NIBAN2: variants seen among roughly 807,000 people sequenced by gnomAD.
NIBAN2 encodes the protein niban apoptosis regulator 2, also known as protein Niban 2.
A neutral mutation model predicts 81.8 loss-of-function variants in NIBAN2; 36 were observed. The observed-to-expected ratio is 0.44, with a 90% CI of 0.34 to 0.58. The LOEUF is 0.58. Ranked by LOEUF, NIBAN2 falls within the 20% of genes least tolerant of loss-of-function variation. The pLI is 0.02. For missense variants in NIBAN2, 897 were observed against 1,014.1 expected (o/e 0.88, Z 1.57); for synonymous variants, 445 against 441.6 (o/e 1.01, Z -0.10).
At chr9:127,568,749 G>A (rs1190453016) in intron 1 of NIBAN2, 71 bp downstream of exon 1, 2 of 1,197,136 alleles carry the variant, frequency 1.7e-6, no homozygotes, top group Admixed American at 4.5e-5. Context: ...GCCAACTGCT[G>A]GCCGGGGCGG....
At chr9:127,566,086 G>C (rs1251086274) in intron 1 of NIBAN2, among the ~76,000 whole-genome samples, 1 of 151,142 alleles carries the variant, frequency 6.6e-6, no homozygotes, top group Non-Finnish European at 1.5e-5. Flanking sequence ...TAGCTATGAT[G>C]ATGCCACTGC....
At chr9:127,569,529 C>A (rs1198021847), upstream of NIBAN2, among the ~76,000 whole-genome samples, 1 of 151,868 alleles carries the variant, frequency 6.6e-6, no homozygotes, top group Non-Finnish European at 1.5e-5. Context: ...AAAAGAATCG[C>A]GCCGAGGAGG....
At chr9:127,552,554 G>A (rs1408462434) in intron 1 of NIBAN2, among the ~76,000 whole-genome samples, 2 of 151,938 alleles carry the variant, frequency 1.3e-5, no homozygotes, top group East Asian at 1.9e-4. Flanking sequence ...TCAAGCCTGG[G>A]CAACAGAGCA....
At chr9:127,570,314 G>T (rs1401778853), upstream of NIBAN2, among the ~76,000 whole-genome samples, 3 of 152,186 alleles carry the variant, frequency 2.0e-5, no homozygotes, top group Middle Eastern at 3.2e-3. Flanking sequence ...CATGCATTCA[G>T]TCACTTACCA....
At chr9:127,544,554 A>G (rs1837437406) in intron 1 of NIBAN2, among the ~76,000 whole-genome samples, 1 of 151,636 alleles carries the variant, frequency 6.6e-6, no homozygotes, top group Admixed American at 6.6e-5. Flanking sequence ...CCCAGGCTGG[A>G]GTGCAGTGGC....
At chr9:127,512,752 A>G (rs1052215880) in intron 8 of NIBAN2, among the ~76,000 whole-genome samples, 1 of 152,236 alleles carries the variant, frequency 6.6e-6, no homozygotes, top group Non-Finnish European at 1.5e-5. Context: ...GACCTGCCTC[A>G]AATTTTCAGG....
rs748275943 is a variant in NIBAN2 at position 127,523,770 on chromosome 9, A to G, written c.498T>C (p.Tyr166=). 26 of 1,613,978 alleles carry G rather than the reference A, an allele frequency of 1.6e-5. No homozygotes were observed. Among genetic ancestry groups the G allele is most frequent in the South Asian group, 9.9e-5 (9 of 91,092 alleles). Residue 166 remains tyrosine, a synonymous_variant, in exon 5 of 14, where the codon TAT becomes TAC. Coordinates refer to ENST00000373312, the MANE Select transcript of NIBAN2 (RefSeq NM_022833.4). ...TQFPLILWHP[Y]ARHYYFCMMT... is the part of the protein sequence containing the mutation. ...TCATGCAGAAGTAGTAGTGACGCGC[A>G]TAAGGATGCCAGAGGATGAGCGGGA...
At chr9:127,552,312 C>T (rs1837590712) in intron 1 of NIBAN2, among the ~76,000 whole-genome samples, 1 of 152,228 alleles carries the variant, frequency 6.6e-6, no homozygotes, top group African/African-American at 2.4e-5. Context: ...ATGGCTCATG[C>T]CTGTAATCGC....
At chr9:127,538,667 G>A (rs1158969804) in intron 1 of NIBAN2, among the ~76,000 whole-genome samples, 2 of 148,510 alleles carry the variant, frequency 1.3e-5, no homozygotes, top group African/African-American at 2.5e-5. Context: ...TTGTGCGGCC[G>A]GGCACAGTGG....
chr9:127,547,504 G>C (rs761678515), intron 1 of NIBAN2, among the ~76,000 whole-genome samples: 1 of 145,978 alleles, frequency 6.9e-6, no homozygotes, highest in African/African-American at 2.6e-5. Flanking sequence ...GCTACAGAGC[G>C]AGACTCCATC....
intron 1 of NIBAN2, among the ~76,000 whole-genome samples, chr9:127,540,977 C>T (rs1031100498): frequency 4.6e-5 from 7 of 152,244 alleles, no homozygotes; most frequent in African/African-American, 1.4e-4. Context: ...AGAACCTGCC[C>T]GCCTGGTTCC....
rs144675266 is a variant in NIBAN2, at chr9:127,531,591, C to G, written c.186+57G>C. Reference sequence around the variant, plus strand: ...GCCCAGAAAAGTAAGGTCACTCCCCCGAGGCCACATGGCGAGAAGTAGCAG... The same window carrying G: ...GCCCAGAAAAGTAAGGTCACTCCCCGGAGGCCACATGGCGAGAAGTAGCAG... On this transcript the variant is annotated intron_variant, in intron 2 of 13. Coordinates refer to ENST00000373312, the MANE Select transcript of NIBAN2 (RefSeq NM_022833.4). The G allele has an allele frequency of 2.5e-6, 4 of 1,572,420 alleles. No homozygotes were observed. The East Asian group carries it at 9.0e-5, about 35-fold the overall frequency.
At position 127,507,746 on chromosome 9, in the gene NIBAN2, AC is replaced by A. The variant is rs1836637754; in HGVS notation, c.1654+120del. 1.1e-6 allele frequency: 1 copy of A among 890,630 alleles called. No individual in the cohort carries two copies. The highest frequency in any genetic ancestry group is 1.9e-5 in the Admixed American group (1 of 52,148). The allele number at this position is 890,630 out of a possible 1,614,324, so 55.2% of individuals were successfully genotyped here. A position where few individuals can be genotyped will look rare whatever the true frequency, so the allele number is the denominator to read the frequency against. ...ACAGCGAAGAGTGGGCTTCACCCAGACCCCAGGTGCAAGTCTGGGCTTTTCT... is the reference window on the plus strand; with the variant it reads ...ACAGCGAAGAGTGGGCTTCACCCAGACCCAGGTGCAAGTCTGGGCTTTTCT... On this transcript the variant is annotated intron_variant, in intron 13 of 13. Coordinates refer to ENST00000373312, the MANE Select transcript of NIBAN2 (RefSeq NM_022833.4). This position sits in a 1 kb window ranked among gnomAD's most constrained non-coding sequence, Gnocchi z 6.8.
At chr9:127,576,814 G>A (rs1838014257) in intron 1 of NIBAN2, among the ~76,000 whole-genome samples, 1 of 151,308 alleles carries the variant, frequency 6.6e-6, no homozygotes, top group Non-Finnish European at 1.5e-5. Context: ...CGCCATCTCA[G>A]CTTACTGCAA....
intron 3 of NIBAN2, among the ~76,000 whole-genome samples, chr9:127,525,905 A>G (rs573079119): frequency 6.6e-6 from 1 of 152,322 alleles, no homozygotes; most frequent in South Asian, 2.1e-4. Flanking sequence ...CCTCTGGAGA[A>G]TTAGGTCTAG....
intron 3 of NIBAN2, among the ~76,000 whole-genome samples, chr9:127,526,316 C>T (rs966117471): frequency 6.8e-6 from 1 of 146,316 alleles, no homozygotes; most frequent in African/African-American, 2.5e-5. Flanking sequence ...AGGAGAATCA[C>T]TTGAGCCAGG....
intron 5 of NIBAN2, 84 bp from the exon 6 acceptor site, chr9:127,518,025 C>G: frequency 1.3e-6 from 1 of 775,610 alleles, no homozygotes; most frequent in African/African-American, 1.8e-5. Context: ...GACCAAAACC[C>G]CCCCCACACA....
intron 1 of NIBAN2, among the ~76,000 whole-genome samples, chr9:127,532,155 T>A (rs1837196459): frequency 6.6e-6 from 1 of 152,206 alleles, no homozygotes; most frequent in Non-Finnish European, 1.5e-5. Flanking sequence ...GGGTGTCCTG[T>A]CCTTGGATGC....
At chr9:127,532,398 C>T (rs543025491) in intron 1 of NIBAN2, among the ~76,000 whole-genome samples, 60 of 152,110 alleles carry the variant, frequency 3.9e-4, no homozygotes, top group Admixed American at 9.8e-4. Flanking sequence ...GAGTTCAAGC[C>T]CAATGTGGCC....
Sources: gnomAD v4.1 joint callset for allele counts (sites outside exome capture counted in the v4.1 genomes callset) on GRCh38, gnomAD v4.1.1 for gene constraint, Gnocchi (gnomAD v3.1) non-coding constraint, MANE v1.5 for transcripts, NCBI Gene and HGNC (gene_info 2026-07-23, HGNC 2026-07-21) for gene names.